The following GRIK3 variants were observed in gnomAD, a reference collection of about 807,000 sequenced individuals.
GRIK3 encodes glutamate receptor ionotropic, kainate 3.
A neutral mutation model predicts 102.5 loss-of-function variants in GRIK3; 29 were observed. That is an observed-to-expected ratio of 0.28 (90% CI 0.21 to 0.39). GRIK3 has a LOEUF of 0.39. Ranked by LOEUF, GRIK3 falls within the 10% of genes least tolerant of loss-of-function variation. GRIK3 has a pLI of 1.00. For missense variants in GRIK3, 908 were observed against 1,252.4 expected, an observed-to-expected ratio of 0.73 and a Z score of 4.15; for synonymous variants, 511 against 504.9, an observed-to-expected ratio of 1.01 and a Z score of -0.16.
At position 36,796,634 on chromosome 1, in the gene GRIK3, G is replaced by A. The variant is rs547330908; in HGVS notation, c.*5217C>T. On this transcript the variant is annotated 3_prime_UTR_variant, in exon 16 of 16. Coordinates refer to ENST00000373091, the MANE Select transcript of GRIK3 (RefSeq NM_000831.4). ...AACAGGGGCATGGGAACACTGTATC[G>A]GCATGCTGGCCATGCCCTGGGGGCA... 4 of 152,238 alleles carry A rather than the reference G, an allele frequency of 2.6e-5. No individual in the cohort carries two copies. Among genetic ancestry groups the A allele is most frequent in the South Asian group, 2.1e-4 (1 of 4,826 alleles). The allele number at this position is 152,238 out of a possible 1,614,324, so 9.4% of individuals were successfully genotyped here.
At chr1:36,826,611 C>T (rs1175087748) in intron 10 of GRIK3, among the ~76,000 whole-genome samples, 1 of 151,032 alleles carries the variant, frequency 6.6e-6, no homozygotes, top group East Asian at 1.9e-4. Flanking sequence ...GAGGTAGAGG[C>T]TGCAGTGAGC....
chr1:37,020,688 C>A (rs770027798), intron 1 of GRIK3, among the ~76,000 whole-genome samples: 2 of 152,116 alleles, frequency 1.3e-5, no homozygotes, highest in Admixed American at 6.5e-5. Flanking sequence ...TTTTACCATG[C>A]GTTATTCTAT....
At chr1:36,890,728 T>C (rs566218361) in intron 2 of GRIK3, among the ~76,000 whole-genome samples, 192 bp downstream of exon 2, 13 of 152,198 alleles carry the variant, frequency 8.5e-5, no homozygotes, top group Non-Finnish European at 1.3e-4. Flanking sequence ...GGGTATTTTG[T>C]CCAAGGTCAC....
At chr1:36,935,500 G>A (rs764104197) in intron 1 of GRIK3, among the ~76,000 whole-genome samples, 5 of 151,944 alleles carry the variant, frequency 3.3e-5, no homozygotes, top group South Asian at 2.1e-4. Context: ...TCCTATGACC[G>A]CTCTGTATCT....
In GRIK3 at chr1:37,021,455, C is replaced by T. The variant is rs542882924; in HGVS notation, c.115+12539G>A. 3.9e-5 allele frequency among the ~76,000 whole-genome samples: 6 copies of T among 152,260 alleles called. No individual in the cohort carries two copies. The South Asian group carries it at 1.0e-3, about 26-fold the overall frequency. ...AGATTTCCTGGATCCAGAAGGAAGA[C>T]GCAAGGCTCTGCTTCTCTTGCAAGA... On this transcript the variant is annotated intron_variant, in intron 1 of 15. Coordinates refer to ENST00000373091, the MANE Select transcript of GRIK3 (RefSeq NM_000831.4).
At chr1:36,911,045 G>A (rs1465523778) in intron 1 of GRIK3, among the ~76,000 whole-genome samples, 1 of 152,188 alleles carries the variant, frequency 6.6e-6, no homozygotes, top group East Asian at 1.9e-4. Context: ...GCTGTGGAAG[G>A]AACACAGCAA....
intron 1 of GRIK3, among the ~76,000 whole-genome samples, chr1:36,988,594 G>C (rs1642330790): frequency 6.6e-6 from 1 of 152,240 alleles, no homozygotes; most frequent in East Asian, 1.9e-4. Context: ...CTTTACTCCT[G>C]AGTGTTGCAA....
intron 1 of GRIK3, among the ~76,000 whole-genome samples, chr1:36,917,318 C>T (rs1193718639): frequency 6.6e-6 from 1 of 152,168 alleles, no homozygotes. Context: ...CTTGCCTTGT[C>T]TCAGATGAGA....
intron 1 of GRIK3, among the ~76,000 whole-genome samples, chr1:36,954,076 G>T (rs1641875946): frequency 6.6e-6 from 1 of 152,212 alleles, no homozygotes; most frequent in Admixed American, 6.5e-5. Flanking sequence ...AGGTGCAAGG[G>T]GTCAAGGGGG....
At chr1:36,807,973 T>C (rs1468093019) in intron 13 of GRIK3, among the ~76,000 whole-genome samples, 1 of 152,190 alleles carries the variant, frequency 6.6e-6, no homozygotes, top group Non-Finnish European at 1.5e-5. Flanking sequence ...ATTGCTACTC[T>C]CCAGCTACTC....
chr1:36,939,567 C>G (rs894499525), intron 1 of GRIK3, among the ~76,000 whole-genome samples: 3 of 152,212 alleles, frequency 2.0e-5, no homozygotes. Flanking sequence ...GTCATCAGCC[C>G]CTAAGGAAGA....
intron 1 of GRIK3, among the ~76,000 whole-genome samples, chr1:36,949,971 G>A (rs1039400553): frequency 6.6e-6 from 1 of 152,116 alleles, no homozygotes; most frequent in Non-Finnish European, 1.5e-5. Context: ...CTCACAGCTG[G>A]TAAATATCAG....
intron 1 of GRIK3, among the ~76,000 whole-genome samples, chr1:36,993,116 G>A (rs1642380381): frequency 6.6e-6 from 1 of 152,188 alleles, no homozygotes; most frequent in South Asian, 2.1e-4. Flanking sequence ...CATGGAAGAA[G>A]AGCCAGAGAG....
chr1:37,033,369 G>C (rs571563292), intron 1 of GRIK3, among the ~76,000 whole-genome samples: 38 of 152,314 alleles, frequency 2.5e-4, no homozygotes, highest in Admixed American at 7.8e-4. Flanking sequence ...AGGCGGGAGA[G>C]AGGCCTTGGC....
chr1:36,977,524 G>C (rs2124363538), intron 1 of GRIK3, among the ~76,000 whole-genome samples: 1 of 152,316 alleles, frequency 6.6e-6, no homozygotes. Flanking sequence ...CCCCTTTGCA[G>C]AGCTGGATAT....
chr1:36,845,262 G>A lies in GRIK3; in HGVS notation c.1327-3323C>T, dbSNP rs149042501. Among the ~76,000 whole-genome samples, 143 of 152,272 alleles carry A rather than the reference G, an allele frequency of 9.4e-4. 3 individuals are homozygous for A. The South Asian group carries it at 0.013, about 14-fold the overall frequency. On this transcript the variant is annotated intron_variant, in intron 9 of 15. Transcript: ENST00000373091. ...TCACAAGCTCTCTCGGCTGCTAATC[G>A]ATTGCTCAGTGAAGGTGCCCTCAAT...
intron 8 of GRIK3, 132 bp downstream of exon 8, chr1:36,853,483 C>A: frequency 1.6e-6 from 1 of 643,008 alleles, no homozygotes; most frequent in South Asian, 1.9e-5. Context: ...CTACACTGGA[C>A]CAAGTCAATC....
chr1:37,004,052 C>T (rs1642506409), intron 1 of GRIK3, among the ~76,000 whole-genome samples: 2 of 152,168 alleles, frequency 1.3e-5, no homozygotes, highest in African/African-American at 4.8e-5. Flanking sequence ...TGCCTTGGCA[C>T]CCCTCTTAGA....
intron 8 of GRIK3, among the ~76,000 whole-genome samples, chr1:36,852,769 T>G (rs1225889089): frequency 1.3e-5 from 2 of 152,160 alleles, no homozygotes; most frequent in Non-Finnish European, 2.9e-5. Flanking sequence ...ACACAGCAAC[T>G]TGCAGGGTTG....
Sources: gnomAD v4.1 joint callset for allele counts (sites outside exome capture counted in the v4.1 genomes callset) on GRCh38, gnomAD v4.1.1 for gene constraint, MANE v1.5 for transcripts, NCBI Gene and HGNC (gene_info 2026-07-23, HGNC 2026-07-21) for gene names.